The following DST variants were observed in gnomAD, a reference collection of about 807,000 sequenced individuals.
DST encodes the protein dystonin.
Under a neutral mutation model 875.2 loss-of-function variants are expected in DST, and 253 were observed. The ratio of observed to expected loss-of-function variants is 0.29; its 90% CI spans 0.26 to 0.32. The LOEUF is 0.32. Among genes scored for constraint, DST ranks in the 10% least tolerant of loss-of-function variants. The pLI is 1.00. For missense variants in DST, 8,287 were observed against 9,111.6 expected, an observed-to-expected ratio of 0.91 and a Z score of 3.68; for synonymous variants, 3,124 against 3,197.1, an observed-to-expected ratio of 0.98 and a Z score of 0.77.
At chr6:56,818,092 G>A (rs1363399143) in intron 4 of DST, among the ~76,000 whole-genome samples, 1 of 152,158 alleles carries the variant, frequency 6.6e-6, no homozygotes, top group African/African-American at 2.4e-5. Flanking sequence ...CCCCAACAAT[G>A]TCCAGAAGGA....
At chr6:56,736,903 G>A (rs2099526880) in intron 4 of DST, among the ~76,000 whole-genome samples, 1 of 152,138 alleles carries the variant, frequency 6.6e-6, no homozygotes, top group Non-Finnish European at 1.5e-5. Context: ...GTCAGGTGTG[G>A]TGGCTTATGC....
At chr6:56,477,703 C>T (rs887378368) in intron 90 of DST, among the ~76,000 whole-genome samples, 1 of 152,088 alleles carries the variant, frequency 6.6e-6, no homozygotes, top group Middle Eastern at 3.2e-3. Context: ...TACAGTCATC[C>T]CTTGGAATCC....
chr6:56,680,639 C>T (rs2099152650), intron 9 of DST, among the ~76,000 whole-genome samples: 1 of 152,188 alleles, frequency 6.6e-6, no homozygotes, highest in Admixed American at 6.5e-5. Context: ...GCCTCTCTAG[C>T]CATTCCTTCT....
chr6:56,568,361 G>A, intron 55 of DST, 108 bp downstream of exon 55: 1 of 1,211,556 alleles, frequency 8.3e-7, no homozygotes, highest in Non-Finnish European at 1.1e-6. Context: ...CTTTCACTTT[G>A]TATTTCTGAG....
In DST at chr6:56,640,508, T is replaced by G; in HGVS notation, c.2125A>C (p.Met709Leu). Residue 709 changes from methionine to leucine, a missense_variant, in exon 18 of 104, where the codon ATG becomes CTG. Met to Leu is a conservative substitution (Grantham distance 15, BLOSUM62 2). Transcript: ENST00000680361. ...RILTTEQTKL[M>L]ISGITQSLNS... Reference sequence around the variant, plus strand: ...AAACTTTGAGTGATTCCTGATATCATGAGCTTTGTCTGTTCTGTTGTCAGT... The same window carrying G: ...AAACTTTGAGTGATTCCTGATATCAGGAGCTTTGTCTGTTCTGTTGTCAGT... 6 of 1,613,548 alleles carry G rather than the reference T, an allele frequency of 3.7e-6. No individual in the cohort carries two copies. Among genetic ancestry groups the G allele is most frequent in the Non-Finnish European group, 5.1e-6 (6 of 1,179,402 alleles).
intron 4 of DST, among the ~76,000 whole-genome samples, chr6:56,832,236 T>A (rs1170498470): frequency 6.6e-6 from 1 of 152,168 alleles, no homozygotes; most frequent in Non-Finnish European, 1.5e-5. Flanking sequence ...CCAAATCCCA[T>A]CCTGAATTTC....
rs1382372318 is a variant in DST, at chr6:56,497,486, T to C, written c.20116A>G (p.Ile6706Val). The C allele has an allele frequency of 6.2e-7, 1 of 1,612,966 alleles. No homozygotes were observed. Among genetic ancestry groups the C allele is most frequent in the Admixed American group, 1.7e-5 (1 of 59,874 alleles). ...LRQAKGFHGE[I>V]EDLQQWLTDT... ...GTCAGCCACTGCTGCAAATCCTCAA[T>C]TTCGCCATGGAACCCTTTGGCCTGA... The change falls in exon 82 of 104, where the codon ATT (isoleucine) becomes GTT (valine). Residue 6706 changes from isoleucine (I) to valine (V), a missense_variant. Coordinates refer to ENST00000680361, the MANE Select transcript of DST (RefSeq NM_001374736.1).
At chr6:56,940,488 T>A (rs1815927663) in intron 2 of DST, among the ~76,000 whole-genome samples, 1 of 152,154 alleles carries the variant, frequency 6.6e-6, no homozygotes, top group Non-Finnish European at 1.5e-5. Context: ...GCAATGTTAA[T>A]ATTATATTTT....
intron 4 of DST, among the ~76,000 whole-genome samples, chr6:56,828,271 C>T (rs919810591): frequency 6.6e-6 from 1 of 152,176 alleles, no homozygotes; most frequent in Admixed American, 6.5e-5. Context: ...TCATCCAACT[C>T]TTCAAGGTGG....
At chr6:56,516,410 A>C (rs1262166515) in intron 71 of DST, among the ~76,000 whole-genome samples, 2 of 152,198 alleles carry the variant, frequency 1.3e-5, no homozygotes, top group Non-Finnish European at 2.9e-5. Flanking sequence ...AGTCTTTATA[A>C]AAATAATATT....
At chr6:56,776,609 T>C (rs2099679742) in intron 4 of DST, among the ~76,000 whole-genome samples, 1 of 152,194 alleles carries the variant, frequency 6.6e-6, no homozygotes, top group Non-Finnish European at 1.5e-5. Context: ...AATACTATTG[T>C]AAAATCTAAA....
chr6:56,708,439 A>T (rs1341878208), intron 5 of DST, among the ~76,000 whole-genome samples: 1 of 152,236 alleles, frequency 6.6e-6, no homozygotes, highest in African/African-American at 2.4e-5. Flanking sequence ...GCTTGAAAAA[A>T]ATCCAAAGAC....
At chr6:56,868,982 C>T (rs1440394935) in intron 3 of DST, among the ~76,000 whole-genome samples, 1 of 152,200 alleles carries the variant, frequency 6.6e-6, no homozygotes, top group East Asian at 1.9e-4. Context: ...AAATGTACTG[C>T]ACAGCCCTAC....
Position 56,552,427 on chromosome 6 carries a change from G to A in DST, c.16365C>T (p.Thr5455=), listed in dbSNP as rs371951779. The change falls in exon 61 of 104, where the codon ACC becomes ACT. Residue 5455 remains threonine (T), a synonymous_variant. Coordinates refer to ENST00000680361, the MANE Select transcript of DST (RefSeq NM_001374736.1). ...TTTTGATTCCAACAAGGTCAGGAGA[G>A]GTTTCTTCTGTGGCTAACATCATCT... ...TCKMMLATEE[T]SPDLVGIKRD... 49 of 1,613,846 alleles carry A rather than the reference G, an allele frequency of 3.0e-5. No homozygotes were observed. The highest frequency in any genetic ancestry group is 3.8e-5 in the Non-Finnish European group (45 of 1,179,894).
chr6:56,593,495 C>G (rs1387327582), intron 48 of DST, among the ~76,000 whole-genome samples, 168 bp downstream of exon 48: 1 of 120,674 alleles, frequency 8.3e-6, no homozygotes, highest in Non-Finnish European at 1.6e-5. Flanking sequence ...CCAGCCTGGG[C>G]GACAGAGTGA....
chr6:56,639,075 A>C, intron 22 of DST, 184 bp downstream of exon 22: 2 of 630,894 alleles, frequency 3.2e-6, no homozygotes, highest in South Asian at 3.8e-5. Context: ...ATTCTAAGTG[A>C]TGGGTGACAT....
chr6:56,733,797 C>A (rs1167129323), intron 5 of DST, among the ~76,000 whole-genome samples: 1 of 151,398 alleles, frequency 6.6e-6, no homozygotes, highest in East Asian at 1.9e-4. Context: ...TGTCTGGAGA[C>A]TAACCTCTCA....
intron 58 of DST, 79 bp from the exon 59 acceptor site, chr6:56,557,597 G>A (rs1264784876): frequency 1.9e-6 from 2 of 1,057,788 alleles, no homozygotes; most frequent in African/African-American, 1.6e-5. Flanking sequence ...TGTATGGTAT[G>A]ATTTAAAATG....
At chr6:56,621,582 T>C in intron 36 of DST, among the ~76,000 whole-genome samples, 1 of 152,344 alleles carries the variant, frequency 6.6e-6, no homozygotes, top group Middle Eastern at 3.4e-3. Context: ...ACTTAGGGAT[T>C]CAGCTCCAAT....
Sources: allele counts gnomAD v4.1 joint callset (sites outside exome capture counted in the v4.1 genomes callset), GRCh38; gene constraint gnomAD v4.1.1; transcripts MANE v1.5; gene names NCBI Gene and HGNC (gene_info 2026-07-23, HGNC 2026-07-21).